Variants in PLPPR1 observed in about 807,000 individuals in gnomAD.
The protein encoded by PLPPR1 is phospholipid phosphatase related 1.
PLPPR1 carries 10 observed loss-of-function variants against 33.1 expected under a neutral mutation model. The observed-to-expected ratio is 0.30, with a 90% CI of 0.19 to 0.51. The LOEUF (loss-of-function observed/expected upper bound fraction) is 0.51. Ranked by LOEUF, PLPPR1 falls within the 20% of genes least tolerant of loss-of-function variation. PLPPR1 has a pLI of 0.97. For missense variants in PLPPR1, 304 were observed against 408.1 expected (o/e 0.74, Z 2.20); for synonymous variants, 151 against 151.0 (o/e 1.00, Z 0.00).
chr9:101,298,844 A>T (rs1239956210), intron 4 of PLPPR1, among the ~76,000 whole-genome samples: 2 of 152,212 alleles, frequency 1.3e-5, no homozygotes, highest in African/African-American at 2.4e-5. Context: ...GAAAGGAAAT[A>T]GGGAGTTTGT....
chr9:101,149,647 C>T (rs1354993015), intron 1 of PLPPR1, among the ~76,000 whole-genome samples: 1 of 152,118 alleles, frequency 6.6e-6, no homozygotes, highest in South Asian at 2.1e-4. Flanking sequence ...TAATTCATTA[C>T]GTTGTCATAT....
intron 4 of PLPPR1, among the ~76,000 whole-genome samples, chr9:101,301,457 A>T (rs1828750716): frequency 6.6e-6 from 1 of 152,208 alleles, no homozygotes; most frequent in South Asian, 2.1e-4. Flanking sequence ...CTGTGATACA[A>T]GGCATACTTA....
intron 1 of PLPPR1, among the ~76,000 whole-genome samples, chr9:101,102,093 C>CTT (rs397937393): frequency 0.035 from 2,509 of 71,800 alleles, 77 homozygotes; most frequent in Non-Finnish European, 0.046. Context: ...GTAGGAACAA[C>CTT]TTTTTTTTTT....
At chr9:101,256,003 G>GACCTT (rs1001058955) in intron 2 of PLPPR1, among the ~76,000 whole-genome samples, 1 of 152,080 alleles carries the variant, frequency 6.6e-6, no homozygotes, top group African/African-American at 2.4e-5. Flanking sequence ...AACTTGAGAT[G>GACCTT]ACCTTACAGC....
intron 2 of PLPPR1, among the ~76,000 whole-genome samples, chr9:101,268,063 T>C (rs7029850): frequency 0.33 from 49,855 of 151,422 alleles, 8,317 homozygotes; most frequent in African/African-American, 0.4. Context: ...ATGAGAACAC[T>C]TGGACACAGG....
At chr9:101,318,360 T>C (rs1829093242) in intron 7 of PLPPR1, among the ~76,000 whole-genome samples, 1 of 152,196 alleles carries the variant, frequency 6.6e-6, no homozygotes, top group African/African-American at 2.4e-5. Flanking sequence ...GGACAGATGA[T>C]ATGAAGCACT....
chr9:101,304,923 A>T (rs930628977), intron 4 of PLPPR1, among the ~76,000 whole-genome samples: 1 of 152,232 alleles, frequency 6.6e-6, no homozygotes, highest in African/African-American at 2.4e-5. Context: ...CGAAATGCCC[A>T]TGCCTGTGCC....
chr9:101,310,749 C>T (rs1828939448), intron 5 of PLPPR1, among the ~76,000 whole-genome samples: 2 of 152,172 alleles, frequency 1.3e-5, no homozygotes, highest in African/African-American at 4.8e-5. Flanking sequence ...CAACCAGGAG[C>T]AGATAGTGCC....
intron 2 of PLPPR1, among the ~76,000 whole-genome samples, chr9:101,217,948 A>G (rs1314248338): frequency 6.6e-6 from 1 of 152,202 alleles, no homozygotes; most frequent in Non-Finnish European, 1.5e-5. Flanking sequence ...TGAAGAACAC[A>G]TTTGAAGAAT....
intron 1 of PLPPR1, among the ~76,000 whole-genome samples, chr9:101,123,869 C>T (rs1391442451): frequency 6.6e-6 from 1 of 152,048 alleles, no homozygotes; most frequent in Non-Finnish European, 1.5e-5. Context: ...GGTAGCCTTC[C>T]ACCTTTAGCA....
intron 7 of PLPPR1, among the ~76,000 whole-genome samples, chr9:101,319,215 C>T (rs190323974): frequency 0.036 from 5,516 of 152,264 alleles, 345 homozygotes; most frequent in African/African-American, 0.12. Context: ...CTCACTCTTT[C>T]GCCCAGGCTG....
At chr9:101,315,186 G>C (rs1483687523) in intron 6 of PLPPR1, among the ~76,000 whole-genome samples, 7 of 152,068 alleles carry the variant, frequency 4.6e-5, no homozygotes, top group Admixed American at 3.9e-4. Flanking sequence ...TAGTGAGCAG[G>C]CCTCATTTTT....
intron 7 of PLPPR1, among the ~76,000 whole-genome samples, chr9:101,320,559 G>A (rs1403542765): frequency 6.6e-6 from 1 of 152,164 alleles, no homozygotes; most frequent in Non-Finnish European, 1.5e-5. Context: ...AAGGACTTCT[G>A]CAGGCTAGCC....
At chr9:101,117,758 A>C (rs913967239) in intron 1 of PLPPR1, among the ~76,000 whole-genome samples, 1 of 152,248 alleles carries the variant, frequency 6.6e-6, no homozygotes, top group African/African-American at 2.4e-5. Flanking sequence ...TTCTCTTTAA[A>C]TGGAGATACT....
chr9:101,317,176 G>A (rs1414730210), intron 6 of PLPPR1, among the ~76,000 whole-genome samples, 189 bp from the exon 7 acceptor site: 1 of 152,140 alleles, frequency 6.6e-6, no homozygotes, highest in South Asian at 2.1e-4. Flanking sequence ...GGTGGAGAGC[G>A]ATTATTACTG....
intron 1 of PLPPR1, among the ~76,000 whole-genome samples, chr9:101,135,135 G>A (rs1028252519): frequency 6.6e-6 from 1 of 152,150 alleles, no homozygotes; most frequent in African/African-American, 2.4e-5. Context: ...CAAAGAACCT[G>A]GACTGGGGAA....
chr9:101,276,348 T>G (rs115392998), intron 3 of PLPPR1, among the ~76,000 whole-genome samples: 7,950 of 152,250 alleles, frequency 0.052, 651 homozygotes, highest in African/African-American at 0.18. Flanking sequence ...TTAAAAAACT[T>G]AAATCCATTT....
chr9:101,324,046 G>C lies in PLPPR1; in HGVS notation c.967G>C (p.Glu323Gln). ...SAQNHSASMT[E>Q]VT ...ACAGAATCACTCTGCGTCCATGACC[G>C]AAGTTACCTGAGACGACTGATGTGT... The change falls in exon 8 of 8, where the codon GAA (glutamate) becomes CAA (glutamine). Residue 323 changes from glutamate (E) to glutamine (Q), a missense_variant. By Grantham distance (29) the Glu-to-Gln change is conservative (BLOSUM62 2). Coordinates refer to ENST00000374874, the MANE Select transcript of PLPPR1 (RefSeq NM_207299.2). 1 of 1,612,444 alleles carries C rather than the reference G, an allele frequency of 6.2e-7. No homozygotes were observed. Among genetic ancestry groups the C allele is most frequent in the Non-Finnish European group, 8.5e-7 (1 of 1,178,666 alleles).
At chr9:101,119,798 G>A (rs1220819468) in intron 1 of PLPPR1, among the ~76,000 whole-genome samples, 1 of 152,188 alleles carries the variant, frequency 6.6e-6, no homozygotes, top group Non-Finnish European at 1.5e-5. Flanking sequence ...AGAGAATGCA[G>A]TGGCTCTGGG....
Sources: gnomAD v4.1 joint callset for allele counts (sites outside exome capture counted in the v4.1 genomes callset) on GRCh38, gnomAD v4.1.1 for gene constraint, MANE v1.5 for transcripts, NCBI Gene and HGNC (gene_info 2026-07-23, HGNC 2026-07-21) for gene names.